The following DNM1L variants were observed in gnomAD, a reference collection of about 807,000 sequenced individuals.
DNM1L encodes dynamin 1L.
DNM1L carries 33 observed loss-of-function variants against 92.8 expected under a neutral mutation model. The observed-to-expected ratio is 0.36, with a 90% CI of 0.27 to 0.48. The LOEUF (loss-of-function observed/expected upper bound fraction) is 0.48, where lower values mean the gene tolerates loss of function less well. DNM1L is among the 20% of genes least tolerant of loss of function. The probability of loss-of-function intolerance (pLI) is 0.99; values close to 1 mark genes in which losing one functional copy is unlikely to be tolerated. For missense variants in DNM1L, 485 were observed against 888.8 expected, an observed-to-expected ratio of 0.55 and a Z score of 5.78; for synonymous variants, 284 against 305.0, an observed-to-expected ratio of 0.93 and a Z score of 0.72.
At chr12:32,686,970 G>A (rs776691618) in intron 1 of DNM1L, among the ~76,000 whole-genome samples, 19 of 124,366 alleles carry the variant, frequency 1.5e-4, no homozygotes, top group Admixed American at 1.4e-3. Flanking sequence ...ATGGAGTCTC[G>A]CTCTGTTGCC....
intron 19 of DNM1L, 142 bp downstream of exon 19, chr12:32,742,890 T>A: frequency 4.3e-4 from 80 of 188,176 alleles, no homozygotes; most frequent in Non-Finnish European, 5.5e-4. Context: ...ATAAGAATCT[T>A]TTTTTTTTTT....
intron 1 of DNM1L, among the ~76,000 whole-genome samples, chr12:32,692,288 C>CAACAT (rs1952264134): frequency 6.6e-6 from 1 of 151,974 alleles, no homozygotes; most frequent in South Asian, 2.1e-4. Flanking sequence ...TCAGGAATAG[C>CAACAT]GACAACATGT....
chr12:32,731,976 C>G lies in DNM1L; in HGVS notation c.1446+33C>G. Reference sequence around the variant, plus strand: ...ACTATAGCATAGATCATTGTAATTACTATTAGTAAAAGTTTAAATTTTTGC... The same window carrying G: ...ACTATAGCATAGATCATTGTAATTAGTATTAGTAAAAGTTTAAATTTTTGC... On this transcript the variant is annotated intron_variant, in intron 12 of 19. Coordinates refer to ENST00000549701, the MANE Select transcript of DNM1L (RefSeq NM_012062.5). The surrounding 1 kb of genome is among the most constrained non-coding windows in gnomAD (Gnocchi z 5.1). 5 of 1,535,828 alleles carry G rather than the reference C, an allele frequency of 3.3e-6. No homozygotes were observed. The highest frequency in any genetic ancestry group is 4.5e-6 in the Non-Finnish European group (5 of 1,109,978).
intron 2 of DNM1L, among the ~76,000 whole-genome samples, chr12:32,701,971 G>A (rs1388253366): frequency 2.7e-5 from 4 of 149,370 alleles, no homozygotes; most frequent in East Asian, 4.3e-4. Flanking sequence ...CAAGCCATCC[G>A]CCCGCCTTGG....
chr12:32,694,318 T>TC (rs1270473038), intron 1 of DNM1L, among the ~76,000 whole-genome samples: 1 of 151,754 alleles, frequency 6.6e-6, no homozygotes, highest in Non-Finnish European at 1.5e-5. Context: ...ACTCCTGACC[T>TC]TGTGATCCGC....
Position 32,731,879 on chromosome 12 carries a change from A to T in DNM1L, c.1382A>T (p.His461Leu). The T allele has an allele frequency of 6.2e-7, 1 of 1,613,854 alleles. No homozygotes were observed. Among genetic ancestry groups the T allele is most frequent in the Non-Finnish European group, 8.5e-7 (1 of 1,179,848 alleles). Residue 461 changes from histidine (H) to leucine (L), a missense_variant, in exon 12 of 20, where the codon CAT (histidine) becomes CTT (leucine). His to Leu is a moderately conservative substitution (Grantham distance 99). Around this residue, in one of 11 missense-constraint regions of DNM1L, gnomAD observed 28 missense variants for 65.1 expected, o/e 0.43. Transcript: ENST00000549701. This position sits in a 1 kb window ranked among gnomAD's most constrained non-coding sequence, Gnocchi z 5.1. The part of the protein sequence containing the change: ...TQELLRFPKL[H>L]DAIVEVVTCL... ...GAATTGTTACGATTTCCTAAACTTC[A>T]TGATGCCATAGTTGAAGTGGTGACT...
At chr12:32,722,336 ATAGGTTTTCCCCATTGTAAAAATTTGAC>A in intron 8 of DNM1L, 63 bp from the exon 9 acceptor site, 1 of 1,033,700 alleles carries the variant, frequency 9.7e-7, no homozygotes. Context: ...AAATTATTTG[ATAGGTTTTCCCCATTGTAAAAATTTGAC>A]TTGTTTAGGG....
intron 4 of DNM1L, among the ~76,000 whole-genome samples, chr12:32,710,199 A>G (rs1196710834): frequency 6.6e-6 from 1 of 152,222 alleles, no homozygotes; most frequent in Non-Finnish European, 1.5e-5. Context: ...CCAAATTCTT[A>G]CTAGAGATTA....
chr12:32,687,212 C>T (rs368417914), intron 1 of DNM1L, among the ~76,000 whole-genome samples: 3 of 151,710 alleles, frequency 2.0e-5, no homozygotes, highest in Admixed American at 6.6e-5. Context: ...AATCCAAAGC[C>T]GTGAAGATTT....
intron 8 of DNM1L, among the ~76,000 whole-genome samples, chr12:32,721,619 T>A (rs182150394): frequency 1.3e-5 from 2 of 152,202 alleles, no homozygotes; most frequent in Non-Finnish European, 2.9e-5. Context: ...GTTTTCCCCA[T>A]ACATCAAGCA....
intron 1 of DNM1L, among the ~76,000 whole-genome samples, chr12:32,688,762 A>G (rs1455245683): frequency 6.6e-6 from 1 of 152,210 alleles, no homozygotes. Flanking sequence ...ATTCTGCCTT[A>G]TCAGATATCT....
At chr12:32,730,708 T>C (rs534262221) in intron 9 of DNM1L, among the ~76,000 whole-genome samples, 1 of 152,256 alleles carries the variant, frequency 6.6e-6, no homozygotes, top group Non-Finnish European at 1.5e-5. Context: ...CTGTTTCCTG[T>C]CCTCAAGGAA....
chr12:32,711,121 C>G, intron 5 of DNM1L, 106 bp downstream of exon 5: 2 of 975,560 alleles, frequency 2.1e-6, no homozygotes, highest in Non-Finnish European at 3.2e-6. Context: ...CTGTTAGCAG[C>G]ATTTGATAAC....
intron 19 of DNM1L, 109 bp from the exon 20 acceptor site, chr12:32,743,245 G>C: frequency 1.1e-6 from 1 of 943,846 alleles, no homozygotes; most frequent in Non-Finnish European, 1.6e-6. Context: ...AGTATAAACT[G>C]GTTAGTTATA....
At chr12:32,713,744 C>T (rs957433981) in intron 6 of DNM1L, among the ~76,000 whole-genome samples, 1 of 152,038 alleles carries the variant, frequency 6.6e-6, no homozygotes, top group Non-Finnish European at 1.5e-5. Context: ...ACTCAGAAGG[C>T]TGAGATGGGA....
intron 15 of DNM1L, 90 bp downstream of exon 15, chr12:32,738,032 T>C (rs1955022159): frequency 5.8e-6 from 8 of 1,382,954 alleles, no homozygotes; most frequent in Admixed American, 5.1e-5. Flanking sequence ...AGAAGAATAT[T>C]AATATGGGAT....
intron 7 of DNM1L, 120 bp from the exon 8 acceptor site, chr12:32,720,544 G>C (rs188383740): frequency 9.4e-5 from 134 of 1,428,446 alleles, no homozygotes; most frequent in Non-Finnish European, 1.1e-4. Context: ...AAATTATTGT[G>C]AGAATTAAAT....
chr12:32,686,359 T>G (rs67580805), intron 1 of DNM1L, among the ~76,000 whole-genome samples: 23,421 of 152,114 alleles, frequency 0.15, 1,915 homozygotes, highest in Middle Eastern at 0.21. Context: ...AATTAGCCCT[T>G]TTATAAAATG....
chr12:32,695,437 A>G (rs1952402791), intron 1 of DNM1L, among the ~76,000 whole-genome samples: 1 of 152,212 alleles, frequency 6.6e-6, no homozygotes, highest in South Asian at 2.1e-4. Flanking sequence ...AATTTGCATA[A>G]GAAAAATTAA....
Sources: gnomAD v4.1 joint callset for allele counts (sites outside exome capture counted in the v4.1 genomes callset) on GRCh38, gnomAD v4.1.1 for gene constraint, gnomAD v4.1.1 regional missense constraint, Gnocchi (gnomAD v3.1) non-coding constraint, MANE v1.5 for transcripts, NCBI Gene and HGNC (gene_info 2026-07-23, HGNC 2026-07-21) for gene names.